The following RGS22 variants were observed in gnomAD, a reference collection of about 807,000 sequenced individuals.
RGS22 encodes the protein regulator of G-protein signaling 22.
RGS22 carries 148 observed loss-of-function variants against 172.9 expected under a neutral mutation model. The ratio of observed to expected loss-of-function variants is 0.86; its 90% CI spans 0.75 to 0.98. The LOEUF (loss-of-function observed/expected upper bound fraction) is 0.98. Among genes scored for constraint, RGS22 ranks in the 50% least tolerant of loss-of-function variants. The probability of loss-of-function intolerance (pLI) is 0.00; values close to 1 mark genes in which losing one functional copy is unlikely to be tolerated. For missense variants in RGS22, 1,347 were observed against 1,440.8 expected, an observed-to-expected ratio of 0.93 and a Z score of 1.05; for synonymous variants, 458 against 480.2, an observed-to-expected ratio of 0.95 and a Z score of 0.60.
chr8:99,991,476 G>A (rs189906827), intron 20 of RGS22, among the ~76,000 whole-genome samples: 85 of 152,284 alleles, frequency 5.6e-4, no homozygotes, highest in Admixed American at 7.2e-4. Context: ...GCATGCACAA[G>A]CTTCAATAGC....
chr8:100,092,061 G>C (rs558377653), intron 3 of RGS22: 1 of 85,168 alleles, frequency 1.2e-5, no homozygotes, highest in East Asian at 3.4e-4. Context: ...TGCATGCATA[G>C]ATACATATAT....
chr8:100,086,621 G>A (rs552371480), intron 3 of RGS22, among the ~76,000 whole-genome samples: 1 of 152,002 alleles, frequency 6.6e-6, no homozygotes, highest in South Asian at 2.1e-4. Flanking sequence ...CAGTACCTAG[G>A]TGAAGGATCA....
chr8:100,008,478 G>A lies in RGS22; in HGVS notation c.2258C>T (p.Pro753Leu), dbSNP rs1815988954. ...KKKEIYMKIQ[P>L]PFEDLFDTAE... ...TGTGTCAAAAAGGTCTTCAAATGGT[G>A]GCTGTATTTTCATATAAATTTCTTT... The change falls in exon 15 of 28, where the codon CCA (proline) becomes CTA (leucine). Residue 753 changes from proline (P) to leucine (L), a missense_variant. Transcript: ENST00000360863. 2 of 1,613,340 alleles carry A rather than the reference G, an allele frequency of 1.2e-6. No homozygotes were observed. Among genetic ancestry groups the A allele is most frequent in the African/African-American group, 1.3e-5 (1 of 74,854 alleles).
intron 14 of RGS22, among the ~76,000 whole-genome samples, chr8:100,013,829 T>G (rs1816671627): frequency 6.6e-6 from 1 of 152,162 alleles, no homozygotes; most frequent in African/African-American, 2.4e-5. Flanking sequence ...CAATTGGGAC[T>G]GAGAACTGTC....
intron 24 of RGS22, among the ~76,000 whole-genome samples, chr8:99,964,235 G>A (rs935353655): frequency 1.5e-4 from 23 of 151,998 alleles, no homozygotes; most frequent in African/African-American, 3.6e-4. Flanking sequence ...GGAGAATTGC[G>A]CAAGCCCAGG....
chr8:100,069,810 G>A (rs1261212264), intron 6 of RGS22, among the ~76,000 whole-genome samples: 4 of 152,050 alleles, frequency 2.6e-5, no homozygotes, highest in Non-Finnish European at 5.9e-5. Context: ...AGGGAGCAGA[G>A]CACCTGACCT....
chr8:100,035,768 C>T (rs1315911910), intron 14 of RGS22, among the ~76,000 whole-genome samples: 1 of 152,178 alleles, frequency 6.6e-6, no homozygotes, highest in African/African-American at 2.4e-5. Flanking sequence ...CCATGGAATA[C>T]TATGCAGCCA....
At chr8:100,031,341 C>A (rs891674216) in intron 14 of RGS22, among the ~76,000 whole-genome samples, 11 of 151,956 alleles carry the variant, frequency 7.2e-5, no homozygotes, top group African/African-American at 2.7e-4. Flanking sequence ...CAGTGTGTTA[C>A]CCTGACGTCC....
Position 100,053,540 on chromosome 8 carries a change from T to C in RGS22, c.1515-564A>G, listed in dbSNP as rs145418286. On this transcript the variant is annotated intron_variant, in intron 9 of 27. Transcript: ENST00000360863. ...AATTTTTAAAACAACTTACAGTTTCTAGTAAAATAAATATAAAATGTACTT... is the reference window on the plus strand; with the variant it reads ...AATTTTTAAAACAACTTACAGTTTCCAGTAAAATAAATATAAAATGTACTT... 3.3e-5 allele frequency among the ~76,000 whole-genome samples: 5 copies of C among 152,342 alleles called. No individual in the cohort carries two copies. In the East Asian group the frequency reaches 7.7e-4, roughly 23 times the overall value.
At chr8:99,965,256 G>T in intron 24 of RGS22, 79 bp downstream of exon 24, 1 of 918,426 alleles carries the variant, frequency 1.1e-6, no homozygotes. Context: ...TTCTAGTACT[G>T]TACAATGACT....
chr8:100,104,848 T>C (rs1426766974), intron 2 of RGS22, among the ~76,000 whole-genome samples: 2 of 152,184 alleles, frequency 1.3e-5, no homozygotes, highest in East Asian at 3.8e-4. Flanking sequence ...CTGTATACAA[T>C]GGGAATTACA....
intron 11 of RGS22, among the ~76,000 whole-genome samples, chr8:100,044,620 C>G (rs1008983073): frequency 1.3e-5 from 2 of 148,962 alleles, no homozygotes; most frequent in Admixed American, 6.7e-5. Flanking sequence ...TCTCAGATTA[C>G]CCTTTCTTTT....
chr8:100,052,964 G>C lies in RGS22; in HGVS notation c.1527C>G (p.Phe509Leu). ...KPLLLYWAPR[F>L]CVTHSASTKY... ...TTGTTGAGGCTGAATGAGTAACACA[G>C]AATCTTGGTGCCCTGTTTATTGGAA... Residue 509 changes from phenylalanine to leucine, a missense_variant, in exon 10 of 28, where the codon TTC becomes TTG. Coordinates refer to ENST00000360863, the MANE Select transcript of RGS22 (RefSeq NM_015668.5). 4 of 1,613,714 alleles carry C rather than the reference G, an allele frequency of 2.5e-6. No individual in the cohort carries two copies. Among genetic ancestry groups the C allele is most frequent in the Non-Finnish European group, 3.4e-6 (4 of 1,179,814 alleles).
rs760024377 is a variant in RGS22, at chr8:100,006,120, T to C, written c.2362-11A>G. The C allele has an allele frequency of 1.2e-6, 2 of 1,601,050 alleles. No individual in the cohort carries two copies. Among genetic ancestry groups the C allele is most frequent in the East Asian group, 2.2e-5 (1 of 44,676 alleles). On this transcript the variant is annotated splice_polypyrimidine_tract_variant and intron_variant, in intron 15 of 27. Transcript: ENST00000360863. ...TTCCACCAGCTCCACCTAAAAAAAA[T>C]AAATAAAGCTTGTGACATCAAGAGA...
At chr8:100,029,792 G>T (rs1471973978) in intron 14 of RGS22, among the ~76,000 whole-genome samples, 1 of 151,324 alleles carries the variant, frequency 6.6e-6, no homozygotes, top group Non-Finnish European at 1.5e-5. Flanking sequence ...TGTATCCCAG[G>T]ACTTAAAGTA....
At chr8:100,039,410 C>T (rs1418692762) in intron 13 of RGS22, among the ~76,000 whole-genome samples, 1 of 146,866 alleles carries the variant, frequency 6.8e-6, no homozygotes, top group East Asian at 2.0e-4. Context: ...CAGTGTCTCA[C>T]TCTCTCACCC....
In RGS22 at chr8:99,996,309, C is replaced by G. The variant is rs547847857; in HGVS notation, c.3018+153G>C. ...ATAGAGTCACATTTTCCTCCAAATT[C>G]CATTCATCAATTAAAAACAGTATCA... On this transcript the variant is annotated intron_variant, in intron 20 of 27. Coordinates refer to ENST00000360863, the MANE Select transcript of RGS22 (RefSeq NM_015668.5). Among the ~76,000 whole-genome samples, 63 of 152,158 alleles carry G rather than the reference C, an allele frequency of 4.1e-4. 1 individual carries two copies. The highest frequency in any genetic ancestry group is 3.4e-3 in the Middle Eastern group (1 of 294).
chr8:100,012,194 G>A (rs897496300), intron 14 of RGS22, among the ~76,000 whole-genome samples: 3 of 152,128 alleles, frequency 2.0e-5, no homozygotes, highest in South Asian at 2.1e-4. Flanking sequence ...TCCATGACAC[G>A]CAGGAAAGCA....
chr8:99,978,028 C>G lies in RGS22; in HGVS notation c.3408G>C (p.Glu1136Asp), dbSNP rs1812171544. 1.9e-6 allele frequency: 3 copies of G among 1,544,184 alleles called. No homozygotes were observed. Among genetic ancestry groups the G allele is most frequent in the African/African-American group, 1.4e-5 (1 of 70,060 alleles). The change falls in exon 23 of 28, where the codon GAG (glutamate) becomes GAC (aspartate). Residue 1136 changes from glutamate (E) to aspartate (D), a missense_variant. By Grantham distance (45) the Glu-to-Asp change is conservative (BLOSUM62 2). Transcript: ENST00000360863. ...VLFKFWPQFC[E>D]FRKNLTDENI... Reference sequence around the variant, plus strand: ...TTTCATCTGTTAAATTCTTCCTAAACTCACAGAACTGAGGCCAGAATTTAA... The same window carrying G: ...TTTCATCTGTTAAATTCTTCCTAAAGTCACAGAACTGAGGCCAGAATTTAA...
Sources: allele counts gnomAD v4.1 joint callset (sites outside exome capture counted in the v4.1 genomes callset), GRCh38; gene constraint gnomAD v4.1.1; transcripts MANE v1.5; gene names NCBI Gene and HGNC (gene_info 2026-07-23, HGNC 2026-07-21).